Variants in TFCP2L1 observed in about 807,000 individuals in gnomAD.
TFCP2L1 encodes transcription factor CP2-like protein 1.
A neutral mutation model predicts 72.2 loss-of-function variants in TFCP2L1; 12 were observed. The observed-to-expected ratio is 0.17, with a 90% CI of 0.11 to 0.27. TFCP2L1 has a LOEUF of 0.27. Among genes scored for constraint, TFCP2L1 ranks in the 10% least tolerant of loss-of-function variants. TFCP2L1 has a pLI of 1.00. For synonymous variants in TFCP2L1, 260 were observed against 251.0 expected, an observed-to-expected ratio of 1.04 and a Z score of -0.34; for missense variants, 488 against 624.6, an observed-to-expected ratio of 0.78 and a Z score of 2.33.
At chr2:121,275,795 T>A (rs1489443844) in intron 2 of TFCP2L1, among the ~76,000 whole-genome samples, 1 of 152,176 alleles carries the variant, frequency 6.6e-6, no homozygotes, top group East Asian at 1.9e-4. Flanking sequence ...GGTCTAGAAC[T>A]CCTGACCTCA....
chr2:121,281,321 T>C (rs1418872356), intron 1 of TFCP2L1, 50 bp from the exon 2 acceptor site: 1 of 1,532,936 alleles, frequency 6.5e-7, no homozygotes, highest in African/African-American at 1.4e-5. Context: ...AGGGGGCTCC[T>C]GCACAGAGCC....
rs750284380 is a variant in TFCP2L1, at chr2:121,237,834, G to A, written c.877C>T (p.His293Tyr). Residue 293 changes from histidine (H) to tyrosine (Y), a missense_variant, in exon 9 of 15, where the codon CAC becomes TAC. By Grantham distance (83) the His-to-Tyr change is moderately conservative. Coordinates refer to ENST00000263707, the MANE Select transcript of TFCP2L1 (RefSeq NM_014553.3). ...GLGEGNASPT[H>Y]PVEALPVGSD... ...CCCACGGGCAGGGCCTCCACCGGGT[G>A]GGTCGGAGAGGCGTTGCTGCAAGGA... 8 of 1,613,990 alleles carry A rather than the reference G, an allele frequency of 5.0e-6. No homozygotes were observed. The highest frequency in any genetic ancestry group is 6.8e-6 in the Non-Finnish European group (8 of 1,180,028).
rs190455627 is a variant in TFCP2L1 at position 121,278,717 on chromosome 2, G to C, written c.214+2403C>G. 8.0e-3 allele frequency among the ~76,000 whole-genome samples: 1,182 copies of C among 146,874 alleles called. 18 individuals carry two copies. The highest frequency in any genetic ancestry group is 0.029 in the African/African-American group (1,138 of 39,840). On this transcript the variant is annotated intron_variant, in intron 2 of 14. Transcript: ENST00000263707. ...GAAAGAAAAAAAAAAAAACACCTAGGGGGTGGCCAGGCCTGGTGGCTCACA... is the reference window on the plus strand; with the variant it reads ...GAAAGAAAAAAAAAAAAACACCTAGCGGGTGGCCAGGCCTGGTGGCTCACA...
intron 2 of TFCP2L1, among the ~76,000 whole-genome samples, chr2:121,250,616 T>A (rs1686588636): frequency 1.3e-5 from 2 of 151,358 alleles, no homozygotes; most frequent in Non-Finnish European, 3.0e-5. Flanking sequence ...ATCTTTTTTT[T>A]TTTTTTTTGA....
intron 2 of TFCP2L1, among the ~76,000 whole-genome samples, chr2:121,261,238 C>T (rs1396135239): frequency 6.6e-6 from 1 of 152,194 alleles, no homozygotes; most frequent in Non-Finnish European, 1.5e-5. Flanking sequence ...TTTGCAGCTG[C>T]TTATGAATGC....
chr2:121,226,085 A>G (rs1302552211), intron 13 of TFCP2L1, among the ~76,000 whole-genome samples: 2 of 148,968 alleles, frequency 1.3e-5, no homozygotes, highest in Non-Finnish European at 3.0e-5. Flanking sequence ...GGAACACGGT[A>G]AACACCACTG....
At chr2:121,249,170 C>G in intron 3 of TFCP2L1, 83 bp from the exon 4 acceptor site, 1 of 1,113,462 alleles carries the variant, frequency 9.0e-7, no homozygotes, top group East Asian at 2.8e-5. Context: ...CACAGTAAAC[C>G]CTCCCACCTT....
chr2:121,284,196 A>G (rs1687320873), intron 1 of TFCP2L1, among the ~76,000 whole-genome samples: 1 of 152,154 alleles, frequency 6.6e-6, no homozygotes, highest in Non-Finnish European at 1.5e-5. Context: ...TTGAGCCCAT[A>G]TCAAATGCCC....
At chr2:121,280,354 C>T (rs867549048) in intron 2 of TFCP2L1, among the ~76,000 whole-genome samples, 3 of 152,142 alleles carry the variant, frequency 2.0e-5, no homozygotes, top group Admixed American at 1.3e-4. Context: ...TCCGGTGCTG[C>T]GCAGGACACA....
At chr2:121,231,436 C>A (rs1460877817) in intron 13 of TFCP2L1, among the ~76,000 whole-genome samples, 1 of 152,212 alleles carries the variant, frequency 6.6e-6, no homozygotes, top group Admixed American at 6.5e-5. Context: ...GCTCTCCTCT[C>A]CCACAAGCCA....
chr2:121,233,904 C>T (rs559330603), intron 12 of TFCP2L1, among the ~76,000 whole-genome samples, 187 bp downstream of exon 12: 40 of 152,346 alleles, frequency 2.6e-4, no homozygotes, highest in African/African-American at 5.8e-4. Flanking sequence ...ACTGCGGGGC[C>T]GCCACGAGGT....
intron 10 of TFCP2L1, 134 bp downstream of exon 10, chr2:121,237,489 G>A (rs13001348): frequency 0.12 from 123,940 of 1,022,272 alleles, 8,300 homozygotes; most frequent in Non-Finnish European, 0.14. Context: ...GTGAGCGAGC[G>A]AACCCACACT....
At chr2:121,241,353 G>A (rs1686363311) in intron 7 of TFCP2L1, among the ~76,000 whole-genome samples, 1 of 152,114 alleles carries the variant, frequency 6.6e-6, no homozygotes, top group Admixed American at 6.5e-5. Context: ...AAAATGTGCT[G>A]GGCATGATGG....
At chr2:121,258,459 C>G (rs1686770120) in intron 2 of TFCP2L1, among the ~76,000 whole-genome samples, 1 of 152,240 alleles carries the variant, frequency 6.6e-6, no homozygotes, top group Non-Finnish European at 1.5e-5. Flanking sequence ...AATCACGTTA[C>G]TACTAAACCT....
intron 2 of TFCP2L1, among the ~76,000 whole-genome samples, chr2:121,269,808 T>C (rs919936732): frequency 1.3e-5 from 2 of 148,764 alleles, no homozygotes; most frequent in African/African-American, 2.5e-5. Flanking sequence ...ACTCAGGAGG[T>C]TGAAACAGGA....
chr2:121,246,250 C>T (rs1198326050), intron 6 of TFCP2L1, among the ~76,000 whole-genome samples: 5 of 152,172 alleles, frequency 3.3e-5, no homozygotes, highest in African/African-American at 7.2e-5. Flanking sequence ...AGGAAATAAT[C>T]AGTCCAGATT....
intron 2 of TFCP2L1, among the ~76,000 whole-genome samples, chr2:121,255,321 T>C (rs531054027): frequency 6.6e-6 from 1 of 152,200 alleles, no homozygotes; most frequent in East Asian, 1.9e-4. Flanking sequence ...CAAATCATTA[T>C]AGAAGGTGGT....
intron 2 of TFCP2L1, among the ~76,000 whole-genome samples, chr2:121,264,295 G>C (rs893615590): frequency 2.0e-5 from 3 of 152,206 alleles, no homozygotes; most frequent in Non-Finnish European, 4.4e-5. Context: ...TTCTGGAGCA[G>C]TCTCTACTAA....
At chr2:121,267,654 C>T (rs1332244765) in intron 2 of TFCP2L1, among the ~76,000 whole-genome samples, 4 of 152,026 alleles carry the variant, frequency 2.6e-5, no homozygotes, top group Non-Finnish European at 2.9e-5. Flanking sequence ...CCACCATGCC[C>T]GGCTAATTTT....
Sources: allele counts gnomAD v4.1 joint callset (sites outside exome capture counted in the v4.1 genomes callset), GRCh38; gene constraint gnomAD v4.1.1; transcripts MANE v1.5; gene names NCBI Gene and HGNC (gene_info 2026-07-23, HGNC 2026-07-21).